Variants in MARCHF1 observed in about 807,000 individuals in gnomAD.
MARCHF1 encodes E3 ubiquitin-protein ligase MARCHF1.
A neutral mutation model predicts 54.2 loss-of-function variants in MARCHF1; 40 were observed. That is an observed-to-expected ratio of 0.74 (90% CI 0.57 to 0.96). The LOEUF is 0.96. Among genes scored for constraint, MARCHF1 ranks in the 40% least tolerant of loss-of-function variants. MARCHF1 has a pLI of 0.00. For synonymous variants in MARCHF1, 236 were observed against 236.3 expected, an observed-to-expected ratio of 1.00 and a Z score of 0.01; for missense variants, 586 against 656.5, an observed-to-expected ratio of 0.89 and a Z score of 1.17.
At chr4:164,134,849 G>A (rs1756369367) in intron 1 of MARCHF1, among the ~76,000 whole-genome samples, 2 of 57,486 alleles carry the variant, frequency 3.5e-5, no homozygotes, top group Admixed American at 1.9e-4. Flanking sequence ...ATCAGTCTTA[G>A]TAAAAAAAAA....
At position 163,528,921 on chromosome 4, in the gene MARCHF1, T is replaced by C; in HGVS notation, c.1465A>G (p.Asn489Asp). 1 of 1,613,384 alleles carries C rather than the reference T, an allele frequency of 6.2e-7. No homozygotes were observed. Among genetic ancestry groups the C allele is most frequent in the Non-Finnish European group, 8.5e-7 (1 of 1,179,564 alleles). The change falls in exon 10 of 10, where the codon AAC becomes GAC. Residue 489 changes from asparagine to aspartate, a missense_variant. Around this residue, in one of 3 missense-constraint regions of MARCHF1, gnomAD observed 106 missense variants for 93.8 expected, o/e 1.13. Coordinates refer to ENST00000514618, the MANE Select transcript of MARCHF1 (RefSeq NM_001394959.1). ...CAATTTTGTACAAAGATCACACGGT[T>C]GTAGGCCTTCAGCCTGCGCCACAAC... ...VQLWRRLKAY[N>D]RVIFVQNCPD... is the part of the protein sequence containing the mutation.
chr4:164,139,445 A>G (rs1444641201), intron 1 of MARCHF1, among the ~76,000 whole-genome samples: 2 of 152,110 alleles, frequency 1.3e-5, no homozygotes, highest in Non-Finnish European at 2.9e-5. Context: ...ACAAACAAAC[A>G]AAACCATCAA....
At chr4:164,361,143 T>C (rs924562195) in intron 1 of MARCHF1, among the ~76,000 whole-genome samples, 2 of 151,946 alleles carry the variant, frequency 1.3e-5, no homozygotes, top group Non-Finnish European at 2.9e-5. Context: ...GACCAAAGCA[T>C]ATCAGTTTTA....
At chr4:163,843,392 G>T (rs967767977) in intron 4 of MARCHF1, among the ~76,000 whole-genome samples, 2 of 152,068 alleles carry the variant, frequency 1.3e-5, no homozygotes, top group Non-Finnish European at 2.9e-5. Flanking sequence ...TAATGAGATT[G>T]CTGGGTTGAA....
In MARCHF1 at chr4:164,077,927, T is replaced by C. The variant is rs192135341; in HGVS notation, c.-248+33661A>G. ...GAGAAATAGGAATACTTTTACACTG[T>C]TGGTGGGAGTGTAAAGTAGTTCAAC... On this transcript the variant is annotated intron_variant, in intron 2 of 9. Transcript: ENST00000514618. Among the ~76,000 whole-genome samples the C allele has an allele frequency of 4.1e-3, 622 of 152,314 alleles. 3 individuals are homozygous for C. Among genetic ancestry groups the C allele is most frequent in the African/African-American group, 0.014 (597 of 41,556 alleles).
intron 8 of MARCHF1, chr4:163,584,278 G>T (rs1046884785): frequency 6.6e-6 from 1 of 151,850 alleles, no homozygotes; most frequent in Non-Finnish European, 1.5e-5. Flanking sequence ...TTAAAATACT[G>T]TATTTGACAA....
chr4:164,304,520 T>C (rs1579704942), intron 1 of MARCHF1, among the ~76,000 whole-genome samples: 6 of 152,358 alleles, frequency 3.9e-5, no homozygotes, highest in Admixed American at 3.9e-4. Flanking sequence ...GGCACAGAAT[T>C]CTTTAATGAT....
At chr4:164,185,757 G>T (rs1195860950) in intron 1 of MARCHF1, among the ~76,000 whole-genome samples, 1 of 151,430 alleles carries the variant, frequency 6.6e-6, no homozygotes, top group Non-Finnish European at 1.5e-5. Context: ...CACTAAAATT[G>T]CTTCTAAATT....
At chr4:164,170,755 G>A (rs1208849024) in intron 1 of MARCHF1, among the ~76,000 whole-genome samples, 4 of 152,014 alleles carry the variant, frequency 2.6e-5, no homozygotes, top group Non-Finnish European at 5.9e-5. Context: ...AATAAATTTC[G>A]AAGGACATAT....
At chr4:164,127,256 G>C (rs906764784) in intron 1 of MARCHF1, among the ~76,000 whole-genome samples, 1 of 152,152 alleles carries the variant, frequency 6.6e-6, no homozygotes, top group Admixed American at 6.5e-5. Context: ...GCAAAGTTTT[G>C]AAGGTGTGGC....
In MARCHF1 at chr4:164,286,718, T is replaced by A. The variant is rs554734357; in HGVS notation, c.-323+97152A>T. 2.8e-3 allele frequency among the ~76,000 whole-genome samples: 412 copies of A among 148,048 alleles called. 3 individuals carry two copies. Among genetic ancestry groups the A allele is most frequent in the African/African-American group, 9.7e-3 (397 of 40,776 alleles). The stretch of plus-strand genomic sequence containing the variant: ...CTTGTTCAAACTATTATATATATAT[T>A]TTATATTTTTATATAATAAATCTAT... On this transcript the variant is annotated intron_variant, in intron 1 of 9. Coordinates refer to ENST00000514618, the MANE Select transcript of MARCHF1 (RefSeq NM_001394959.1).
At chr4:163,933,764 C>T (rs759623504) in intron 3 of MARCHF1, among the ~76,000 whole-genome samples, 1 of 152,226 alleles carries the variant, frequency 6.6e-6, no homozygotes, top group African/African-American at 2.4e-5. Context: ...AAAGCCCTTG[C>T]CATTTCTGGC....
intron 1 of MARCHF1, among the ~76,000 whole-genome samples, chr4:164,279,186 C>T (rs1275923938): frequency 2.0e-5 from 3 of 149,500 alleles, no homozygotes; most frequent in Non-Finnish European, 4.5e-5. Flanking sequence ...AAAATTCATA[C>T]AAGATTTAAA....
chr4:164,377,845 G>A (rs1025413408), intron 1 of MARCHF1, among the ~76,000 whole-genome samples: 6 of 152,136 alleles, frequency 3.9e-5, no homozygotes, highest in African/African-American at 9.6e-5. Flanking sequence ...ACCTGCCTTC[G>A]TTTTATACCA....
intron 2 of MARCHF1, among the ~76,000 whole-genome samples, chr4:164,058,870 G>C (rs1389567030): frequency 2.0e-5 from 3 of 152,210 alleles, no homozygotes; most frequent in Non-Finnish European, 2.9e-5. Context: ...AATGATGCCT[G>C]TTGAACTTCT....
At chr4:163,979,683 G>C (rs1382483280) in intron 3 of MARCHF1, among the ~76,000 whole-genome samples, 15 of 152,066 alleles carry the variant, frequency 9.9e-5, no homozygotes, top group African/African-American at 3.6e-4. Flanking sequence ...TCCAGCACCT[G>C]TTGTTTCCTG....
Position 164,077,735 on chromosome 4 carries a change from C to A in MARCHF1, c.-248+33853G>T, listed in dbSNP as rs138909250. Among the ~76,000 whole-genome samples the A allele has an allele frequency of 6.0e-3, 917 of 152,244 alleles. 8 individuals are homozygous for A. Among genetic ancestry groups the A allele is most frequent in the African/African-American group, 0.021 (873 of 41,554 alleles). ...AGTGGGTGAAGGATATGAACAGACA[C>A]ATCTCAAAAGAAGACATTTATGCGG... On this transcript the variant is annotated intron_variant, in intron 2 of 9. Transcript: ENST00000514618.
intron 4 of MARCHF1, among the ~76,000 whole-genome samples, chr4:163,784,451 T>G (rs1170427824): frequency 1.3e-5 from 2 of 152,138 alleles, no homozygotes; most frequent in Admixed American, 1.3e-4. Context: ...AACAAATGAT[T>G]TGACTGGTAA....
intron 2 of MARCHF1, among the ~76,000 whole-genome samples, chr4:164,034,061 TGATAGACAGATAGATA>T (rs1479312801): frequency 9.3e-6 from 1 of 107,472 alleles, no homozygotes; most frequent in African/African-American, 3.5e-5. Context: ...AAAGAAAATG[TGATAGACAGATAGATA>T]GATAGATAGA....
Sources: allele counts gnomAD v4.1 joint callset (sites outside exome capture counted in the v4.1 genomes callset), GRCh38; gene constraint gnomAD v4.1.1; regional missense constraint gnomAD v4.1.1; transcripts MANE v1.5; gene names NCBI Gene and HGNC (gene_info 2026-07-23, HGNC 2026-07-21).